The following TTC7B variants were observed in gnomAD, a reference collection of about 807,000 sequenced individuals.
The protein encoded by TTC7B is tetratricopeptide repeat domain 7B.
Under a neutral mutation model 106.8 loss-of-function variants are expected in TTC7B, and 28 were observed. That is an observed-to-expected ratio of 0.26 (90% CI 0.19 to 0.36). The LOEUF (loss-of-function observed/expected upper bound fraction) is 0.36. Ranked by LOEUF, TTC7B falls within the 10% of genes least tolerant of loss-of-function variation. TTC7B has a pLI of 1.00. For synonymous variants in TTC7B, 405 were observed against 430.6 expected, an observed-to-expected ratio of 0.94 and a Z score of 0.74; for missense variants, 862 against 1,076.4, an observed-to-expected ratio of 0.80 and a Z score of 2.79.
In TTC7B at chr14:90,618,054, G is replaced by A; in HGVS notation, c.1752-9C>T. 1 of 1,592,710 alleles carries A rather than the reference G, an allele frequency of 6.3e-7. No individual in the cohort carries two copies. The highest frequency in any genetic ancestry group is 1.7e-5 in the Admixed American group (1 of 59,946). On this transcript the variant is annotated splice_polypyrimidine_tract_variant and intron_variant, in intron 15 of 19. Coordinates refer to ENST00000328459, the MANE Select transcript of TTC7B (RefSeq NM_001010854.2). Reference sequence around the variant, plus strand: ...CTTTGGAAAACAGTAGTCTGCAGTGGGGAGACAAAGGGAGAAAACACCACG... The same window carrying A: ...CTTTGGAAAACAGTAGTCTGCAGTGAGGAGACAAAGGGAGAAAACACCACG...
intron 18 of TTC7B, among the ~76,000 whole-genome samples, chr14:90,583,022 G>A (rs1193404819): frequency 6.6e-6 from 1 of 152,180 alleles, no homozygotes; most frequent in African/African-American, 2.4e-5. Flanking sequence ...CACAAGTATT[G>A]ATTATGAACC....
At position 90,540,811 on chromosome 14, in the gene TTC7B, G is replaced by C. The variant is rs1566758629; in HGVS notation, c.*557C>G. On this transcript the variant is annotated 3_prime_UTR_variant, in exon 20 of 20. Coordinates refer to ENST00000328459, the MANE Select transcript of TTC7B (RefSeq NM_001010854.2). The stretch of plus-strand genomic sequence containing the variant: ...AAAATATAAATATTCTCGGACTCAG[G>C]CTTTGTTCTAAGTGAGGACAGTAAT... The C allele has an allele frequency of 6.5e-6, 1 of 153,966 alleles. No individual in the cohort carries two copies. The highest frequency in any genetic ancestry group is 1.5e-5 in the Non-Finnish European group (1 of 68,244). The allele number at this position is 153,966 out of a possible 1,614,324, so 9.5% of individuals were successfully genotyped here.
Position 90,548,687 on chromosome 14 carries a change from G to A in TTC7B, c.2311-7098C>T, listed in dbSNP as rs538909719. Among the ~76,000 whole-genome samples, 6 of 152,302 alleles carry A rather than the reference G, an allele frequency of 3.9e-5. No individual in the cohort carries two copies. In the South Asian group the frequency reaches 1.2e-3, roughly 32 times the overall value. On this transcript the variant is annotated intron_variant, in intron 19 of 19. Coordinates refer to ENST00000328459, the MANE Select transcript of TTC7B (RefSeq NM_001010854.2). ...CACTGGGCAGGTGGCCAGTAACTTG[G>A]GGCAGAATGAATAAATGAGCAGACC...
intron 1 of TTC7B, among the ~76,000 whole-genome samples, chr14:90,793,173 ACCATGACTGTGAGTTT>A (rs1891644309): frequency 2.0e-5 from 3 of 151,954 alleles, no homozygotes; most frequent in Admixed American, 2.0e-4. Context: ...TTTACCTTCC[ACCATGACTGTGAGTTT>A]CCTGAGACCT....
chr14:90,715,976 T>C (rs1276051212), intron 5 of TTC7B, among the ~76,000 whole-genome samples: 1 of 152,248 alleles, frequency 6.6e-6, no homozygotes, highest in Non-Finnish European at 1.5e-5. Flanking sequence ...CACAGGGTGA[T>C]ATAATTATTT....
At chr14:90,585,984 C>G (rs562360539) in intron 18 of TTC7B, among the ~76,000 whole-genome samples, 1 of 152,300 alleles carries the variant, frequency 6.6e-6, no homozygotes, top group South Asian at 2.1e-4. Flanking sequence ...CCTTAAAAAT[C>G]GTTATTTTAG....
chr14:90,803,370 T>C (rs967365557), intron 1 of TTC7B, among the ~76,000 whole-genome samples: 3 of 152,080 alleles, frequency 2.0e-5, no homozygotes, highest in African/African-American at 7.2e-5. Flanking sequence ...AATCAATATA[T>C]CTCCCCTTCA....
rs764121848 is a variant in TTC7B at position 90,814,034 on chromosome 14, G to A, written c.121+2141C>T. 5.3e-4 allele frequency among the ~76,000 whole-genome samples: 81 copies of A among 152,128 alleles called. 1 individual carries two copies. Among genetic ancestry groups the A allele is most frequent in the Non-Finnish European group, 6.2e-4 (42 of 68,024 alleles). On this transcript the variant is annotated intron_variant, in intron 1 of 19. Transcript: ENST00000328459. ...CACTCTGTCTGATCTTTTCAAGTCC[G>A]GGTAACTTTTTGCCATCAATGGCTA...
chr14:90,572,881 T>TAA (rs1891087062), intron 19 of TTC7B, among the ~76,000 whole-genome samples: 1 of 152,104 alleles, frequency 6.6e-6, no homozygotes, highest in South Asian at 2.1e-4. Context: ...CCACCACACC[T>TAA]AAGACCCCTC....
chr14:90,728,752 C>A (rs2139987118), intron 5 of TTC7B, among the ~76,000 whole-genome samples: 1 of 152,282 alleles, frequency 6.6e-6, no homozygotes, highest in South Asian at 2.1e-4. Flanking sequence ...CCTGGGACCT[C>A]CAGGGGGATT....
intron 17 of TTC7B, among the ~76,000 whole-genome samples, chr14:90,594,360 A>G (rs1452963577): frequency 6.6e-6 from 1 of 151,992 alleles, no homozygotes; most frequent in East Asian, 1.9e-4. Context: ...AAGCATGTTC[A>G]CTAGTCAAGG....
At chr14:90,631,177 T>C (rs947701793) in intron 15 of TTC7B, among the ~76,000 whole-genome samples, 1 of 152,204 alleles carries the variant, frequency 6.6e-6, no homozygotes, top group East Asian at 1.9e-4. Flanking sequence ...CCATTATATG[T>C]GTAAACCTCA....
intron 7 of TTC7B, 48 bp from the exon 8 acceptor site, chr14:90,680,583 T>C (rs765646869): frequency 7.2e-7 from 1 of 1,394,680 alleles, no homozygotes; most frequent in Middle Eastern, 1.8e-4. Flanking sequence ...TTTCAAAATA[T>C]ACAAATACAA....
chr14:90,598,099 C>T (rs532278080), intron 17 of TTC7B, among the ~76,000 whole-genome samples: 6 of 152,342 alleles, frequency 3.9e-5, no homozygotes, highest in African/African-American at 1.4e-4. Flanking sequence ...GGACTGTGTG[C>T]TGCGCAGCGG....
At chr14:90,711,281 A>G (rs1229260453) in intron 5 of TTC7B, among the ~76,000 whole-genome samples, 1 of 152,224 alleles carries the variant, frequency 6.6e-6, no homozygotes, top group Non-Finnish European at 1.5e-5. Context: ...AAATTAATAT[A>G]TTACATTGTT....
intron 5 of TTC7B, chr14:90,699,438 TAACTTGTCCTTCC>T: frequency 2.9e-6 from 1 of 340,582 alleles, no homozygotes; most frequent in South Asian, 2.2e-5. Context: ...TTCTTCCCTT[TAACTTGTCCTTCC>T]AAATTATCTT....
intron 3 of TTC7B, 138 bp downstream of exon 3, chr14:90,780,600 T>C: frequency 1.0e-6 from 1 of 956,526 alleles, no homozygotes; most frequent in Non-Finnish European, 1.6e-6. Flanking sequence ...CAGCATGTGC[T>C]GCAGGGCGGC....
chr14:90,780,229 A>G (rs1019795704), intron 3 of TTC7B, among the ~76,000 whole-genome samples: 2 of 151,890 alleles, frequency 1.3e-5, no homozygotes, highest in African/African-American at 4.8e-5. Context: ...TAAAAATACA[A>G]AATTAGCTGG....
chr14:90,632,668 G>T (rs941985418), intron 15 of TTC7B, among the ~76,000 whole-genome samples: 1 of 152,218 alleles, frequency 6.6e-6, no homozygotes, highest in African/African-American at 2.4e-5. Flanking sequence ...TTCAAAGTCA[G>T]TTCGTGGTTA....
Sources: allele counts gnomAD v4.1 joint callset (sites outside exome capture counted in the v4.1 genomes callset), GRCh38; gene constraint gnomAD v4.1.1; transcripts MANE v1.5; gene names NCBI Gene and HGNC (gene_info 2026-07-23, HGNC 2026-07-21).